The following NFIA variants were observed in gnomAD, a reference collection of about 807,000 sequenced individuals.
NFIA encodes nuclear factor I A.
In NFIA, 8 loss-of-function variants were observed where a neutral mutation model predicts 62.8. The observed-to-expected ratio is 0.13, with a 90% CI of 0.07 to 0.23. The LOEUF (loss-of-function observed/expected upper bound fraction) is 0.23. NFIA is among the 10% of genes least tolerant of loss of function. The probability of loss-of-function intolerance (pLI) is 1.00; values close to 1 mark genes in which losing one functional copy is unlikely to be tolerated. For synonymous variants in NFIA, 235 were observed against 238.1 expected (o/e 0.99, Z 0.12); for missense variants, 410 against 642.1 (o/e 0.64, Z 3.91).
chr1:61,427,202 TTG>T (rs1666907961), intron 10 of NFIA, among the ~76,000 whole-genome samples: 1 of 152,000 alleles, frequency 6.6e-6, no homozygotes, highest in Non-Finnish European at 1.5e-5. Context: ...CCATAGACAG[TTG>T]TGTTTTGTGC....
intron 2 of NFIA, among the ~76,000 whole-genome samples, chr1:61,111,211 T>A (rs994373426): frequency 6.6e-6 from 1 of 152,144 alleles, no homozygotes; most frequent in African/African-American, 2.4e-5. Context: ...AATTTTCTTA[T>A]TTTTTCCTGT....
At chr1:61,286,652 A>G (rs542009111) in intron 3 of NFIA, among the ~76,000 whole-genome samples, 4 of 152,268 alleles carry the variant, frequency 2.6e-5, no homozygotes, top group Admixed American at 6.5e-5. Flanking sequence ...AGAAAATCCT[A>G]CTCTTAATTT....
At chr1:61,109,089 C>T (rs1485940438) in intron 2 of NFIA, among the ~76,000 whole-genome samples, 1 of 151,744 alleles carries the variant, frequency 6.6e-6, no homozygotes, top group Non-Finnish European at 1.5e-5. Context: ...CTGTTTTTTA[C>T]AATTTAAAAT....
intron 2 of NFIA, among the ~76,000 whole-genome samples, chr1:61,144,417 T>G (rs2100511299): frequency 6.6e-6 from 1 of 152,348 alleles, no homozygotes; most frequent in East Asian, 1.9e-4. Context: ...ACCGTGTGTG[T>G]GTACATGTGA....
At chr1:61,146,611 G>A (rs899933524) in intron 2 of NFIA, among the ~76,000 whole-genome samples, 1 of 152,144 alleles carries the variant, frequency 6.6e-6, no homozygotes, top group Non-Finnish European at 1.5e-5. Flanking sequence ...TCCTGGGCTT[G>A]TATAGTACTC....
chr1:61,376,622 C>G (rs544090753), intron 6 of NFIA, among the ~76,000 whole-genome samples: 2 of 152,066 alleles, frequency 1.3e-5, no homozygotes, highest in East Asian at 3.9e-4. Context: ...TTTTTGCATA[C>G]ACTTTTGTAT....
intron 2 of NFIA, among the ~76,000 whole-genome samples, chr1:61,142,730 G>A (rs938435922): frequency 6.6e-6 from 1 of 152,106 alleles, no homozygotes; most frequent in African/African-American, 2.4e-5. Flanking sequence ...AAGTGTTTTC[G>A]GGAGGGAGGG....
Position 61,275,634 on chromosome 1 carries a change from G to A in NFIA, c.560-1886G>A, listed in dbSNP as rs530059955. Among the ~76,000 whole-genome samples, 8 of 152,040 alleles carry A rather than the reference G, an allele frequency of 5.3e-5. No individual in the cohort carries two copies. The East Asian group carries it at 7.7e-4, about 15-fold the overall frequency. The stretch of plus-strand genomic sequence containing the variant: ...TGGCAAAATTTTATGTATCTGTTTC[G>A]GGACATGATCAAGAATTTTAATTTT... On this transcript the variant is annotated intron_variant, in intron 2 of 10. Transcript: ENST00000403491.
chr1:61,198,966 A>G (rs535496525), intron 2 of NFIA, among the ~76,000 whole-genome samples: 1 of 152,288 alleles, frequency 6.6e-6, no homozygotes, highest in East Asian at 1.9e-4. Context: ...ATCCTTAGGA[A>G]TGAGTTGGAA....
intron 9 of NFIA, among the ~76,000 whole-genome samples, chr1:61,407,110 G>T (rs1460104636): frequency 6.6e-6 from 1 of 152,182 alleles, no homozygotes; most frequent in African/African-American, 2.4e-5. Flanking sequence ...CCAGGAACTT[G>T]CAGTCTAAGA....
intron 2 of NFIA, among the ~76,000 whole-genome samples, chr1:61,229,130 AAAG>A (rs1654511829): frequency 6.7e-6 from 1 of 148,160 alleles, no homozygotes; most frequent in African/African-American, 2.4e-5. Context: ...AGTCAGGGTA[AAAG>A]AAAAAAAAAA....
intron 9 of NFIA, among the ~76,000 whole-genome samples, chr1:61,422,231 C>G (rs1557772777): frequency 6.6e-6 from 1 of 152,198 alleles, no homozygotes; most frequent in Non-Finnish European, 1.5e-5. Flanking sequence ...CCACTGCACT[C>G]CAGCCTGGGC....
intron 2 of NFIA, among the ~76,000 whole-genome samples, chr1:61,274,856 G>C (rs1056288329): frequency 3.9e-5 from 6 of 152,214 alleles, no homozygotes; most frequent in African/African-American, 1.4e-4. Context: ...ATACCAGAAA[G>C]AGTGTCCATG....
chr1:61,086,692 T>G (rs1368169451), intron 1 of NFIA, among the ~76,000 whole-genome samples: 1 of 152,152 alleles, frequency 6.6e-6, no homozygotes, highest in Non-Finnish European at 1.5e-5. Flanking sequence ...GTTTAAATGA[T>G]TGATTATAAT....
intron 4 of NFIA, among the ~76,000 whole-genome samples, chr1:61,339,405 A>G (rs1429865649): frequency 6.6e-6 from 1 of 152,104 alleles, no homozygotes; most frequent in African/African-American, 2.4e-5. Context: ...ATATATTTTT[A>G]TTTTGCCTAT....
chr1:61,266,229 A>C (rs1362268395), intron 2 of NFIA, among the ~76,000 whole-genome samples: 1 of 152,170 alleles, frequency 6.6e-6, no homozygotes, highest in East Asian at 1.9e-4. Context: ...CCTTCTTACC[A>C]CATGAAACAT....
At chr1:61,127,659 C>A (rs561856294) in intron 2 of NFIA, among the ~76,000 whole-genome samples, 2 of 152,158 alleles carry the variant, frequency 1.3e-5, no homozygotes, top group East Asian at 1.9e-4. Flanking sequence ...TAAAGTATTT[C>A]TTGAATTCTC....
chr1:61,417,564 C>T (rs1666409622), intron 9 of NFIA, among the ~76,000 whole-genome samples: 1 of 151,596 alleles, frequency 6.6e-6, no homozygotes, highest in South Asian at 2.1e-4. Flanking sequence ...TATGAACATT[C>T]CTCTTGATAC....
At chr1:61,160,563 T>A (rs1181266454) in intron 2 of NFIA, among the ~76,000 whole-genome samples, 2 of 152,196 alleles carry the variant, frequency 1.3e-5, no homozygotes, top group African/African-American at 4.8e-5. Flanking sequence ...CCTTCTGTGA[T>A]TGTATTGCAT....
Sources: gnomAD v4.1 joint callset for allele counts (sites outside exome capture counted in the v4.1 genomes callset) on GRCh38, gnomAD v4.1.1 for gene constraint, MANE v1.5 for transcripts, NCBI Gene and HGNC (gene_info 2026-07-23, HGNC 2026-07-21) for gene names.